TNRC6C: variants seen among roughly 807,000 people sequenced by gnomAD.
TNRC6C encodes trinucleotide repeat containing adaptor 6C.
TNRC6C carries 20 observed loss-of-function variants against 153.7 expected under a neutral mutation model. The observed-to-expected ratio is 0.13, with a 90% CI of 0.09 to 0.19. TNRC6C has a LOEUF of 0.19. Ranked by LOEUF, TNRC6C falls within the 10% of genes least tolerant of loss-of-function variation. TNRC6C has a pLI of 1.00. For missense variants in TNRC6C, 1,987 were observed against 2,172.0 expected (o/e 0.91, Z 1.69); for synonymous variants, 811 against 841.4 (o/e 0.96, Z 0.63).
exon 5 of TNRC6C, chr17:78,067,814 C>T: frequency 6.2e-7 from 1 of 1,613,904 alleles, no homozygotes. Context: ...AACCTCAGTA[C>T]CAGCCAGTGG....
At chr17:78,098,607 T>C (rs762405023) in intron 17 of TNRC6C, 70 bp downstream of exon 20, 43 of 1,504,702 alleles carry the variant, frequency 2.9e-5, no homozygotes, top group Non-Finnish European at 3.2e-5. Context: ...CACTTTGTCC[T>C]GTACCTCCTT....
At position 77,974,650 on chromosome 17, in the gene TNRC6C, G is replaced by A. The variant is rs936434919; in HGVS notation, c.-38+15382G>A. Among the ~76,000 whole-genome samples, 7 of 152,280 alleles carry A rather than the reference G, an allele frequency of 4.6e-5. No individual in the cohort carries two copies. In the Middle Eastern group the frequency reaches 0.014, roughly 296 times the overall value. On this transcript the variant is annotated intron_variant, in intron 1 of 22. Transcript: ENST00000636222. ...CTTGTGTATGTTTTTGGTTCATTTC[G>A]TTTTGGGTTTATATTACCATTGTTA...
chr17:78,067,730 A>T, intron 4 of TNRC6C, 27 bp from the exon 7 acceptor site: 1 of 1,573,490 alleles, frequency 6.4e-7, no homozygotes, highest in South Asian at 1.2e-5. Flanking sequence ...CATGAATTTG[A>T]TAAGTTCATG....
chr17:78,039,996 G>A (rs1439718193), intron 2 of TNRC6C, among the ~76,000 whole-genome samples: 1 of 152,248 alleles, frequency 6.6e-6, no homozygotes, highest in Non-Finnish European at 1.5e-5. Flanking sequence ...TATTGCCAAT[G>A]GTGGAAGGGC....
intron 1 of TNRC6C, among the ~76,000 whole-genome samples, chr17:77,961,736 A>G (rs1368291030): frequency 6.6e-6 from 1 of 152,242 alleles, no homozygotes; most frequent in African/African-American, 2.4e-5. Flanking sequence ...AGTTGCCTTT[A>G]GAATGCTGAT....
At chr17:78,093,451 T>A (rs2073428197) in intron 15 of TNRC6C, among the ~76,000 whole-genome samples, 169 bp from the exon 18 acceptor site, 2 of 152,190 alleles carry the variant, frequency 1.3e-5, no homozygotes, top group Admixed American at 1.3e-4. Flanking sequence ...TGGTTCTAGT[T>A]TGTTCCAAAG....
intron 1 of TNRC6C, among the ~76,000 whole-genome samples, chr17:77,970,130 CAA>C (rs976928149): frequency 6.6e-6 from 1 of 152,238 alleles, no homozygotes; most frequent in African/African-American, 2.4e-5. Flanking sequence ...TTCTTCAACA[CAA>C]AAAGTTTGAA....
At chr17:78,093,062 G>T (rs768765429) in exon 15 of TNRC6C, 1 of 1,613,640 alleles carries the variant, frequency 6.2e-7, no homozygotes, top group African/African-American at 1.3e-5. Context: ...CCCCATAGCT[G>T]GTCACGTGCC....
intron 1 of TNRC6C, among the ~76,000 whole-genome samples, chr17:77,992,866 A>G (rs1371981486): frequency 6.6e-6 from 1 of 152,204 alleles, no homozygotes; most frequent in Non-Finnish European, 1.5e-5. Context: ...CAAATAGTAA[A>G]ATAACGTGGC....
chr17:78,086,780 T>C, intron 12 of TNRC6C, 73 bp from the exon 15 acceptor site: 1 of 1,583,700 alleles, frequency 6.3e-7, no homozygotes, highest in Non-Finnish European at 8.6e-7. Flanking sequence ...CAATGAAGAA[T>C]GCATTTGGTC....
intron 2 of TNRC6C, among the ~76,000 whole-genome samples, 174 bp downstream of exon 4, chr17:78,032,016 A>G (rs565445802): frequency 6.6e-6 from 1 of 152,260 alleles, no homozygotes; most frequent in African/African-American, 2.4e-5. Flanking sequence ...TTTTCCCTCT[A>G]TTTATTTACA....
At position 77,964,884 on chromosome 17, in the gene TNRC6C, TAAAC is replaced by T. The variant is rs1156402382; in HGVS notation, c.-38+5619_-38+5622del. ...CTTCAGGGGGCTATGGCTGATGTCTTAAACAAGGTCTTTTTTGGTAGGGAGGCAC... is the reference window on the plus strand; with the variant it reads ...CTTCAGGGGGCTATGGCTGATGTCTTAAGGTCTTTTTTGGTAGGGAGGCAC... On this transcript the variant is annotated intron_variant, in intron 1 of 22. Transcript: ENST00000636222. Among the ~76,000 whole-genome samples, 3 of 152,076 alleles carry T rather than the reference TAAAC, an allele frequency of 2.0e-5. 1 individual carries two copies. The highest frequency in any genetic ancestry group is 2.9e-5 in the Non-Finnish European group (2 of 68,006).
intron 2 of TNRC6C, among the ~76,000 whole-genome samples, chr17:78,042,475 G>A (rs371825660): frequency 6.6e-6 from 1 of 152,104 alleles, no homozygotes; most frequent in Non-Finnish European, 1.5e-5. Flanking sequence ...TTCAAACTCC[G>A]AAATGGTATA....
exon 2 of TNRC6C, chr17:78,031,824 C>T (rs369974427): frequency 8.1e-7 from 1 of 1,232,134 alleles, no homozygotes; most frequent in Admixed American, 4.2e-5. Context: ...ACAGCATCAT[C>T]CCAGTAAGCT....
chr17:77,995,721 T>TAC (rs34732155), intron 1 of TNRC6C, among the ~76,000 whole-genome samples: 3,660 of 150,978 alleles, frequency 0.024, 54 homozygotes, highest in Non-Finnish European at 0.026. Flanking sequence ...ACATTTAAAG[T>TAC]ACACACACAC....
At chr17:78,044,704 C>T (rs2072371416) in intron 2 of TNRC6C, among the ~76,000 whole-genome samples, 2 of 152,358 alleles carry the variant, frequency 1.3e-5, no homozygotes, top group Admixed American at 6.5e-5. Context: ...CACAGCCACA[C>T]TCATTCTGCT....
chr17:77,959,008 T>G (rs1478774819), upstream of TNRC6C, among the ~76,000 whole-genome samples: 22 of 130,754 alleles, frequency 1.7e-4, no homozygotes, highest in Non-Finnish European at 3.3e-4. Flanking sequence ...CCGCCGGGCG[T>G]GAGGAGGAGG....
chr17:77,997,668 T>C (rs2071349191), intron 1 of TNRC6C, among the ~76,000 whole-genome samples: 1 of 151,924 alleles, frequency 6.6e-6, no homozygotes, highest in Admixed American at 6.6e-5. Flanking sequence ...TTTTTTTTTA[T>C]TTTTTTGAGA....
chr17:78,012,283 G>A (rs1035839153), intron 1 of TNRC6C, among the ~76,000 whole-genome samples: 2 of 152,108 alleles, frequency 1.3e-5, no homozygotes, highest in Non-Finnish European at 2.9e-5. Flanking sequence ...CCTGTTAGAT[G>A]GCAGAGATCA....
Sources: allele counts gnomAD v4.1 joint callset (sites outside exome capture counted in the v4.1 genomes callset), GRCh38; gene constraint gnomAD v4.1.1; transcripts MANE v1.5; gene names NCBI Gene and HGNC (gene_info 2026-07-23, HGNC 2026-07-21).